SLC9A9: variants seen among roughly 807,000 people sequenced by gnomAD.
SLC9A9 encodes the protein sodium/hydrogen exchanger 9.
In SLC9A9, 62 loss-of-function variants were observed where a neutral mutation model predicts 77.8. The observed-to-expected ratio is 0.80, with a 90% CI of 0.65 to 0.98. The LOEUF (loss-of-function observed/expected upper bound fraction) is 0.98. Ranked by LOEUF, SLC9A9 falls within the 50% of genes least tolerant of loss-of-function variation. SLC9A9 has a pLI of 0.00. For missense variants in SLC9A9, 775 were observed against 774.9 expected (o/e 1.00, Z 0.00); for synonymous variants, 320 against 283.5 (o/e 1.13, Z -1.29).
intron 11 of SLC9A9, among the ~76,000 whole-genome samples, chr3:143,491,714 A>G (rs1469104489): frequency 6.6e-6 from 1 of 152,168 alleles, no homozygotes; most frequent in Non-Finnish European, 1.5e-5. Flanking sequence ...ACAACCTAAC[A>G]TGATTATCTA....
intron 13 of SLC9A9, among the ~76,000 whole-genome samples, chr3:143,378,041 C>T (rs1191675015): frequency 6.6e-6 from 1 of 152,242 alleles, no homozygotes; most frequent in African/African-American, 2.4e-5. Context: ...GGCCTCTGAT[C>T]AAATGCCACT....
At chr3:143,275,355 T>A (rs1006732335) in intron 14 of SLC9A9, among the ~76,000 whole-genome samples, 1 of 152,144 alleles carries the variant, frequency 6.6e-6, no homozygotes, top group African/African-American at 2.4e-5. Context: ...CTAATGTCGG[T>A]TGTTCTAGGT....
chr3:143,432,843 G>A (rs2034546746), intron 12 of SLC9A9, among the ~76,000 whole-genome samples: 1 of 152,192 alleles, frequency 6.6e-6, no homozygotes, highest in Non-Finnish European at 1.5e-5. Flanking sequence ...AGCTAGGATG[G>A]TCTTGATCTC....
intron 4 of SLC9A9, among the ~76,000 whole-genome samples, chr3:143,776,521 T>G (rs904983156): frequency 1.3e-5 from 2 of 152,204 alleles, no homozygotes; most frequent in African/African-American, 2.4e-5. Flanking sequence ...AAATATAATT[T>G]GTGATATTCT....
intron 2 of SLC9A9, among the ~76,000 whole-genome samples, chr3:143,810,842 A>G (rs2008846103): frequency 6.6e-6 from 1 of 152,230 alleles, no homozygotes; most frequent in Non-Finnish European, 1.5e-5. Flanking sequence ...GACTGACTCC[A>G]TGAAGGTTAT....
In SLC9A9 at chr3:143,790,114, A is replaced by T. The variant is rs577182652; in HGVS notation, c.533+4887T>A. ...TGAGTGAGTTCTCATTAGATCTGATAGTTTTATAAGGGGCTCTTCCCTGCT... is the reference window on the plus strand; with the variant it reads ...TGAGTGAGTTCTCATTAGATCTGATTGTTTTATAAGGGGCTCTTCCCTGCT... On this transcript the variant is annotated intron_variant, in intron 4 of 15. Coordinates refer to ENST00000316549, the MANE Select transcript of SLC9A9 (RefSeq NM_173653.4). Among the ~76,000 whole-genome samples the T allele has an allele frequency of 2.2e-4, 33 of 152,162 alleles. No homozygotes were observed. The South Asian group carries it at 6.8e-3, about 32-fold the overall frequency.
intron 9 of SLC9A9, among the ~76,000 whole-genome samples, chr3:143,549,368 T>A (rs2036842663): frequency 6.6e-6 from 1 of 152,194 alleles, no homozygotes; most frequent in East Asian, 1.9e-4. Flanking sequence ...TATAAATATG[T>A]ACATAGGCTG....
intron 12 of SLC9A9, among the ~76,000 whole-genome samples, chr3:143,420,786 A>G (rs1053093710): frequency 1.9e-4 from 29 of 152,220 alleles, no homozygotes; most frequent in African/African-American, 7.0e-4. Context: ...AGCTCAAATC[A>G]GGCAAGAGAA....
At position 143,493,669 on chromosome 3, in the gene SLC9A9, G is replaced by T. The variant is rs777348368; in HGVS notation, c.1299C>A (p.His433Gln). 6.2e-7 allele frequency: 1 copy of T among 1,613,308 alleles called. No homozygotes were observed. The highest frequency in any genetic ancestry group is 2.2e-5 in the East Asian group (1 of 44,876). ...TTCACATACCTGAAAACATCATCAT[G>T]TGCTGAAAGTTCCAGGGGATCTTCT... ...RKQKIPWNFQ[H>Q]MMMFSGLRGA... Residue 433 changes from histidine to glutamine, a missense_variant, in exon 11 of 16, where the codon CAC (histidine) becomes CAA (glutamine). Transcript: ENST00000316549.
chr3:143,774,435 C>G (rs2007626091), intron 4 of SLC9A9, among the ~76,000 whole-genome samples: 1 of 152,166 alleles, frequency 6.6e-6, no homozygotes, highest in Non-Finnish European at 1.5e-5. Context: ...GGGTTCAAAT[C>G]CCAGCTCTTC....
chr3:143,381,132 T>G (rs2033292881), intron 13 of SLC9A9, among the ~76,000 whole-genome samples: 1 of 152,208 alleles, frequency 6.6e-6, no homozygotes, highest in Non-Finnish European at 1.5e-5. Flanking sequence ...AGGTTCAAAT[T>G]CAGTTTGGAG....
chr3:143,675,710 C>T (rs114377867), intron 5 of SLC9A9, among the ~76,000 whole-genome samples: 2 of 152,158 alleles, frequency 1.3e-5, no homozygotes, highest in Admixed American at 1.3e-4. Flanking sequence ...TTACTAATAT[C>T]ATATAAAAAT....
intron 6 of SLC9A9, among the ~76,000 whole-genome samples, chr3:143,631,125 C>T (rs1411445562): frequency 6.6e-6 from 1 of 152,080 alleles, no homozygotes; most frequent in African/African-American, 2.4e-5. Flanking sequence ...TAAATCAATA[C>T]CCAATTACTT....
Position 143,727,248 on chromosome 3 carries a change from C to A in SLC9A9, c.534-33941G>T, listed in dbSNP as rs1934677757. On this transcript the variant is annotated intron_variant, in intron 4 of 15. Coordinates refer to ENST00000316549, the MANE Select transcript of SLC9A9 (RefSeq NM_173653.4). ...ATGAGACAACCATTGAAAACCAAAT[C>A]TTTTTATTTCTAATCAAAGTAGTGC... Among the ~76,000 whole-genome samples, 3 of 152,176 alleles carry A rather than the reference C, an allele frequency of 2.0e-5. No homozygotes were observed. The South Asian group carries it at 6.2e-4, about 32-fold the overall frequency.
chr3:143,753,366 A>G (rs1005057813), intron 4 of SLC9A9, among the ~76,000 whole-genome samples: 5 of 152,240 alleles, frequency 3.3e-5, no homozygotes, highest in Non-Finnish European at 7.3e-5. Context: ...ACATTGATTA[A>G]AAGCTCTGCT....
intron 8 of SLC9A9, among the ~76,000 whole-genome samples, chr3:143,573,496 G>T (rs1196244867): frequency 6.6e-6 from 1 of 152,110 alleles, no homozygotes; most frequent in Non-Finnish European, 1.5e-5. Context: ...AGGATCTGCA[G>T]CCCTTGGGTC....
chr3:143,740,473 C>T (rs1935048361), intron 4 of SLC9A9, among the ~76,000 whole-genome samples: 1 of 152,008 alleles, frequency 6.6e-6, no homozygotes, highest in African/African-American at 2.4e-5. Flanking sequence ...GATATTTGTC[C>T]TAATTAATAA....
At chr3:143,784,829 T>G (rs1309607219) in intron 4 of SLC9A9, among the ~76,000 whole-genome samples, 1 of 152,162 alleles carries the variant, frequency 6.6e-6, no homozygotes, top group Non-Finnish European at 1.5e-5. Flanking sequence ...TATTAGGAGG[T>G]AGGACCTTTG....
intron 12 of SLC9A9, among the ~76,000 whole-genome samples, chr3:143,440,038 C>T (rs981490382): frequency 1.2e-4 from 18 of 152,250 alleles, no homozygotes; most frequent in Non-Finnish European, 1.9e-4. Context: ...ATGCATACTA[C>T]ATTGTTTTCA....
Sources: allele counts gnomAD v4.1 joint callset (sites outside exome capture counted in the v4.1 genomes callset), GRCh38; gene constraint gnomAD v4.1.1; transcripts MANE v1.5; gene names NCBI Gene and HGNC (gene_info 2026-07-23, HGNC 2026-07-21).